Variants in ZNF286A observed in about 807,000 individuals in gnomAD.
ZNF286A encodes the protein zinc finger protein 286A, also known as zinc finger protein ZNF286.
In ZNF286A, 34 loss-of-function variants were observed where a neutral mutation model predicts 49.3. The observed-to-expected ratio is 0.69, with a 90% CI of 0.52 to 0.92. ZNF286A has a LOEUF of 0.92. ZNF286A is among the 40% of genes least tolerant of loss of function. ZNF286A has a pLI of 0.00. For synonymous variants in ZNF286A, 155 were observed against 200.4 expected, an observed-to-expected ratio of 0.77 and a Z score of 1.91; for missense variants, 462 against 600.2, an observed-to-expected ratio of 0.77 and a Z score of 2.41.
intron 4 of ZNF286A, 49 bp downstream of exon 4, chr17:15,706,550 T>A (rs1990240741): frequency 7.2e-7 from 1 of 1,381,544 alleles, no homozygotes; most frequent in East Asian, 2.4e-5. Context: ...GCATCATTAC[T>A]TTAATGAAAG....
chr17:15,699,827 G>C, intron 1 of ZNF286A, 50 bp downstream of exon 1: 1 of 702,756 alleles, frequency 1.4e-6, no homozygotes, highest in Non-Finnish European at 2.6e-6. Flanking sequence ...CTCGGCGGTG[G>C]TTCCCCGGGT....
rs1420684392 is a variant in ZNF286A, at chr17:15,704,930, C to CG, written c.127-1455dup. On this transcript the variant is annotated intron_variant, in intron 3 of 5. Transcript: ENST00000583566. ...GCGGCCGGCCGGGGGCGGGTCCCCCCGGCCCCCTTCCTGCGTTCTTCGGTC... is the reference window on the plus strand; with the variant it reads ...GCGGCCGGCCGGGGGCGGGTCCCCCCGGGCCCCCTTCCTGCGTTCTTCGGTC... 11 of 1,563,676 alleles carry CG rather than the reference C, an allele frequency of 7.0e-6. No individual in the cohort carries two copies. In the African/African-American group the frequency reaches 1.5e-4, roughly 21 times the overall value.
At chr17:15,704,271 C>G in intron 3 of ZNF286A, 2 of 1,607,358 alleles carry the variant, frequency 1.2e-6, no homozygotes, top group Non-Finnish European at 1.7e-6. Context: ...CCGTCTTTTT[C>G]TTGGCCGCCA....
At chr17:15,704,333 C>T (rs1404577154) in intron 3 of ZNF286A, 2 of 1,611,028 alleles carry the variant, frequency 1.2e-6, no homozygotes, top group African/African-American at 1.3e-5. Context: ...CCCTCAGCCC[C>T]TCCCAGGCCC....
rs906640532 is a variant in ZNF286A at position 15,720,473 on chromosome 17, G to A, written c.*3183G>A. 1 of 138,804 alleles carries A rather than the reference G, an allele frequency of 7.2e-6. No individual in the cohort carries two copies. Among genetic ancestry groups the A allele is most frequent in the African/African-American group, 2.8e-5 (1 of 36,180 alleles). The allele number at this position is 138,804 out of a possible 1,614,324, so 8.6% of individuals were successfully genotyped here. Reference sequence around the variant, plus strand: ...GTGCTGTTTTCTGCACAGCCTCCTTGAGACCTTCCAGAACCTTCTTTTTTC... The same window carrying A: ...GTGCTGTTTTCTGCACAGCCTCCTTAAGACCTTCCAGAACCTTCTTTTTTC... On this transcript the variant is annotated 3_prime_UTR_variant, in exon 6 of 6. Coordinates refer to ENST00000583566, the MANE Select transcript of ZNF286A (RefSeq NM_001130842.2).
chr17:15,704,487 C>T (rs1990048815), intron 3 of ZNF286A: 2 of 1,613,880 alleles, frequency 1.2e-6, no homozygotes. Context: ...CGGAGTTCTC[C>T]AAGAGCAGGC....
At chr17:15,715,883 T>C in intron 5 of ZNF286A, 176 bp from the exon 6 acceptor site, 1 of 1,459,638 alleles carries the variant, frequency 6.9e-7, no homozygotes, top group Non-Finnish European at 9.1e-7. Flanking sequence ...TTTCTCTGCA[T>C]AGTCTGAGCA....
chr17:15,704,739 T>A (rs1990072928), intron 3 of ZNF286A: 1 of 1,613,864 alleles, frequency 6.2e-7, no homozygotes, highest in African/African-American at 1.3e-5. Context: ...CTCCAGCATA[T>A]GGGGTCCCTT....
chr17:15,705,090 C>G (rs1990128470), intron 3 of ZNF286A, among the ~76,000 whole-genome samples: 1 of 152,124 alleles, frequency 6.6e-6, no homozygotes, highest in Admixed American at 6.5e-5. Flanking sequence ...TGCCCGGCAG[C>G]ACTTAATTCT....
At chr17:15,705,002 AGGCCCCGGC>A in intron 3 of ZNF286A, 1 of 849,670 alleles carries the variant, frequency 1.2e-6, no homozygotes, top group East Asian at 3.5e-5. Context: ...GGCCCTGGAG[AGGCCCCGGC>A]GGCCCCGCTC....
intron 5 of ZNF286A, among the ~76,000 whole-genome samples, chr17:15,713,211 T>G (rs909205932): frequency 2.6e-5 from 4 of 152,288 alleles, no homozygotes; most frequent in Admixed American, 6.5e-5. Context: ...AGCAATAAAG[T>G]GAGACCCCAT....
At position 15,716,906 on chromosome 17, in the gene ZNF286A, C is replaced by T. The variant is rs560486754; in HGVS notation, c.1182C>T (p.Cys394=). ...CQECGKAFSH[C]SSLTKHQRVH... ...AATGTGGGAAAGCCTTTAGCCATTG[C>T]TCATCCCTAACTAAGCATCAGAGAG... Residue 394 remains cysteine, a synonymous_variant, in exon 6 of 6, where the codon TGC becomes TGT. Transcript: ENST00000583566. 1.2e-6 allele frequency: 2 copies of T among 1,610,748 alleles called. No homozygotes were observed. The highest frequency in any genetic ancestry group is 2.2e-5 in the East Asian group (1 of 44,778).
intron 5 of ZNF286A, among the ~76,000 whole-genome samples, chr17:15,715,012 A>G (rs559566197): frequency 1.1e-4 from 17 of 152,070 alleles, no homozygotes; most frequent in Non-Finnish European, 2.4e-4. Flanking sequence ...TTGCTCTTCT[A>G]TTTTACTCCT....
At chr17:15,703,375 A>G (rs557228561) in intron 3 of ZNF286A, among the ~76,000 whole-genome samples, 37 of 152,168 alleles carry the variant, frequency 2.4e-4, no homozygotes, top group African/African-American at 8.9e-4. Context: ...TGTGCATTTT[A>G]TTAGATTTTA....
chr17:15,720,272 C>G lies in ZNF286A; in HGVS notation c.*2982C>G, dbSNP rs1967305370. On this transcript the variant is annotated 3_prime_UTR_variant, in exon 6 of 6. Transcript: ENST00000583566. ...GAGTCCCCCACTCCTGCTTGGTGCT[C>G]TCTTTCTCTCTCCTTCTCTACATAG... 1 of 151,626 alleles carries G rather than the reference C, an allele frequency of 6.6e-6. No individual in the cohort carries two copies. The highest frequency in any genetic ancestry group is 1.5e-5 in the Non-Finnish European group (1 of 67,934). The allele number at this position is 151,626 out of a possible 1,614,324, so 9.4% of individuals were successfully genotyped here.
In ZNF286A at chr17:15,706,384, TAGGAAAC is replaced by T; in HGVS notation, c.127_133del (p.Glu43Ter). Reference sequence around the variant, plus strand: ...ATGTTGAAAAAAATATTTTATGTTTTAGGAAACAGTGACATTCAAGGATGTGGCCATG... The same window carrying T: ...ATGTTGAAAAAAATATTTTATGTTTTAGTGACATTCAAGGATGTGGCCATG... On this transcript the variant is annotated splice_acceptor_variant and coding_sequence_variant, in exon 4 of 6. Transcript: ENST00000583566. LOFTEE classifies it high-confidence loss of function. 6.2e-7 allele frequency: 1 copy of T among 1,611,666 alleles called. No individual in the cohort carries two copies. Among genetic ancestry groups the T allele is most frequent in the Non-Finnish European group, 8.5e-7 (1 of 1,177,958 alleles).
At position 15,708,198 on chromosome 17, in the gene ZNF286A, A is replaced by G. The variant is rs745611240; in HGVS notation, c.285A>G (p.Gly95=). Residue 95 remains glycine (G), a synonymous_variant, in exon 5 of 6, where the codon GGA becomes GGG. Coordinates refer to ENST00000583566, the MANE Select transcript of ZNF286A (RefSeq NM_001130842.2). The part of the protein sequence containing the change: ...SKPESYNLEN[G]KEPLKLERKA... ...CTGAGAGCTACAACTTGGAGAATGG[A>G]AAAGAACCATTGAAGCTTGAGAGAA... 1 of 1,599,084 alleles carries G rather than the reference A, an allele frequency of 6.3e-7. No individual in the cohort carries two copies. Among genetic ancestry groups the G allele is most frequent in the South Asian group, 1.1e-5 (1 of 88,732 alleles).
Position 15,699,771 on chromosome 17 carries a change from A to C in ZNF286A, c.-202A>C, listed in dbSNP as rs567188832. ...GTTCGTCCCCTTTGTGAGGCCCGGG[A>C]TGGGAGGTGAGTTGCTTGTGGTGAT... is the stretch of plus-strand genomic sequence containing the variant. On this transcript the variant is annotated 5_prime_UTR_variant, in exon 1 of 6. The change abolishes an upstream ATG in the 5' untranslated region. Transcript: ENST00000583566. 52 of 702,748 alleles carry C rather than the reference A, an allele frequency of 7.4e-5. No homozygotes were observed. In the East Asian group the frequency reaches 1.2e-3, roughly 16 times the overall value. 43.5% of individuals were successfully genotyped at this position (702,748 alleles called of 1,614,324 possible).
chr17:15,711,554 A>G (rs1023331693), intron 5 of ZNF286A: 5 of 152,266 alleles, frequency 3.3e-5, no homozygotes, highest in African/African-American at 1.2e-4. Flanking sequence ...CCAGAGGAGT[A>G]CAGGCCTCAA....
Sources: gnomAD v4.1 joint callset for allele counts (sites outside exome capture counted in the v4.1 genomes callset) on GRCh38, gnomAD v4.1.1 for gene constraint, MANE v1.5 for transcripts, NCBI Gene and HGNC (gene_info 2026-07-23, HGNC 2026-07-21) for gene names.